The following ANK1 variants were observed in gnomAD, a reference collection of about 807,000 sequenced individuals.
ANK1 encodes the protein ankyrin 1, also known as ankyrin-1.
A neutral mutation model predicts 210.4 loss-of-function variants in ANK1; 51 were observed. The ratio of observed to expected loss-of-function variants is 0.24; its 90% CI spans 0.19 to 0.31. The LOEUF (loss-of-function observed/expected upper bound fraction) is 0.31. Ranked by LOEUF, ANK1 falls within the 10% of genes least tolerant of loss-of-function variation. ANK1 has a pLI of 1.00. For missense variants in ANK1, 2,051 were observed against 2,504.4 expected (o/e 0.82, Z 3.86); for synonymous variants, 967 against 1,025.9 (o/e 0.94, Z 1.10).
chr8:41,655,137 T>TC lies in ANK1; in HGVS notation c.*652_*653insG. 7.3e-6 allele frequency: 1 copy of TC among 137,804 alleles called. No homozygotes were observed. Among genetic ancestry groups the TC allele is most frequent in the Non-Finnish European group, 1.6e-5 (1 of 62,378 alleles). The allele number at this position is 137,804 out of a possible 1,614,324, so 8.5% of individuals were successfully genotyped here. A position where few individuals can be genotyped will look rare whatever the true frequency, so the allele number is the denominator to read the frequency against. On this transcript the variant is annotated 3_prime_UTR_variant, in exon 43 of 43. Coordinates refer to ENST00000289734, the MANE Select transcript of ANK1 (RefSeq NM_000037.4). ...ATTCAGTGGAGGCGAGTGGTGTGTG[T>TC]GTGTGTGTGTGTGTGTCCTGAATGT... is the stretch of plus-strand genomic sequence containing the variant.
chr8:41,757,735 A>C (rs1325132248), intron 2 of ANK1, among the ~76,000 whole-genome samples: 1 of 152,202 alleles, frequency 6.6e-6, no homozygotes, highest in East Asian at 1.9e-4. Flanking sequence ...TCCTGCCCCA[A>C]TTCAAAGGCC....
At chr8:41,717,773 A>G (rs983344047) in intron 11 of ANK1, 71 bp from the exon 12 acceptor site, 9 of 1,287,556 alleles carry the variant, frequency 7.0e-6, no homozygotes, top group Admixed American at 2.0e-5. Flanking sequence ...AGAACCTGAC[A>G]GTATCTAACG....
intron 18 of ANK1, among the ~76,000 whole-genome samples, chr8:41,705,911 C>T (rs934267362): frequency 3.3e-5 from 5 of 152,188 alleles, no homozygotes; most frequent in African/African-American, 7.2e-5. Flanking sequence ...ATTAAACATT[C>T]GCCCCACTTT....
At chr8:41,763,376 ATCTTTTAAT>A (rs1840899925) in intron 1 of ANK1, among the ~76,000 whole-genome samples, 1 of 152,196 alleles carries the variant, frequency 6.6e-6, no homozygotes, top group African/African-American at 2.4e-5. Context: ...CCAGCATTAT[ATCTTTTAAT>A]TCTTATAACA....
intron 1 of ANK1, among the ~76,000 whole-genome samples, chr8:41,890,708 CA>C (rs557921949): frequency 0.02 from 1,273 of 62,976 alleles, 3 homozygotes; most frequent in African/African-American, 0.048. Flanking sequence ...GACTCCGTCT[CA>C]AAAAAAAAAA....
chr8:41,755,937 C>T (rs958587535), intron 2 of ANK1, among the ~76,000 whole-genome samples: 10 of 152,134 alleles, frequency 6.6e-5, no homozygotes, highest in Non-Finnish European at 1.3e-4. Context: ...GTCCACATAC[C>T]TCACTTTCCC....
At chr8:41,822,116 A>AGAG (rs1804470344) in intron 1 of ANK1, among the ~76,000 whole-genome samples, 5 of 29,028 alleles carry the variant, frequency 1.7e-4, no homozygotes, top group East Asian at 5.9e-4. Flanking sequence ...GAGAGAGAGA[A>AGAG]AGAAAGAGAA....
At chr8:41,733,759 AC>A (rs1424904039) in intron 3 of ANK1, among the ~76,000 whole-genome samples, 1 of 152,208 alleles carries the variant, frequency 6.6e-6, no homozygotes, top group Non-Finnish European at 1.5e-5. Context: ...TAGATACGTA[AC>A]CTAGTGATGA....
chr8:41,681,736 C>T (rs1050308636), intron 37 of ANK1, among the ~76,000 whole-genome samples: 4 of 144,170 alleles, frequency 2.8e-5, no homozygotes, highest in African/African-American at 7.5e-5. Context: ...CTGTAGTGCC[C>T]CCCCACCCCC....
chr8:41,789,787 G>A (rs1305845577), intron 1 of ANK1, among the ~76,000 whole-genome samples: 6 of 152,144 alleles, frequency 3.9e-5, no homozygotes, highest in Non-Finnish European at 7.4e-5. Context: ...AGAAAGCGAG[G>A]ACACTGTCAC....
At chr8:41,679,579 T>C (rs1177840518) in intron 37 of ANK1, among the ~76,000 whole-genome samples, 2 of 145,924 alleles carry the variant, frequency 1.4e-5, no homozygotes, top group African/African-American at 5.1e-5. Context: ...TTTTTTTTTT[T>C]TGAGACAGAG....
chr8:41,792,090 C>T (rs759832993), intron 1 of ANK1, among the ~76,000 whole-genome samples: 2 of 152,252 alleles, frequency 1.3e-5, no homozygotes, highest in Non-Finnish European at 2.9e-5. Flanking sequence ...TCCTGTAATG[C>T]GCTTTTCTTC....
chr8:41,667,170 C>T (rs35273426), intron 39 of ANK1, among the ~76,000 whole-genome samples: 33,748 of 152,154 alleles, frequency 0.22, 3,874 homozygotes, highest in Middle Eastern at 0.29. Flanking sequence ...TGGCCCTGCC[C>T]GGGGCACATA....
chr8:41,846,730 G>C (rs1810131429), intron 1 of ANK1, among the ~76,000 whole-genome samples: 1 of 152,146 alleles, frequency 6.6e-6, no homozygotes, highest in Non-Finnish European at 1.5e-5. Context: ...AACCACCCCT[G>C]GCCACAGGCT....
intron 1 of ANK1, among the ~76,000 whole-genome samples, chr8:41,841,175 T>C (rs900894857): frequency 6.6e-6 from 1 of 152,160 alleles, no homozygotes; most frequent in Non-Finnish European, 1.5e-5. Context: ...AATGAATGGA[T>C]TGAGAAAATA....
intron 39 of ANK1, chr8:41,664,689 CT>C (rs1245287292): frequency 5.5e-6 from 6 of 1,090,504 alleles, no homozygotes; most frequent in Non-Finnish European, 6.7e-6. Context: ...CCTCCTGGTC[CT>C]TTTCCTCCGG....
chr8:41,667,413 C>T (rs371864586), intron 39 of ANK1, among the ~76,000 whole-genome samples: 55 of 152,262 alleles, frequency 3.6e-4, no homozygotes, highest in African/African-American at 1.0e-3. Flanking sequence ...ACTAAACACA[C>T]GCATGTGGAG....
intron 1 of ANK1, among the ~76,000 whole-genome samples, chr8:41,832,151 G>T (rs1806795181): frequency 6.6e-6 from 1 of 152,120 alleles, no homozygotes; most frequent in Non-Finnish European, 1.5e-5. Context: ...AAAGAGAAGT[G>T]AATTTTACTG....
chr8:41,717,504 G>T, intron 12 of ANK1, 100 bp downstream of exon 12: 1 of 1,138,576 alleles, frequency 8.8e-7, no homozygotes, highest in Non-Finnish European at 1.3e-6. Flanking sequence ...TCTGGGAATC[G>T]TAGCTCTGTC....
Sources: gnomAD v4.1 joint callset for allele counts (sites outside exome capture counted in the v4.1 genomes callset) on GRCh38, gnomAD v4.1.1 for gene constraint, MANE v1.5 for transcripts, NCBI Gene and HGNC (gene_info 2026-07-23, HGNC 2026-07-21) for gene names.